Variants in SETBP1 observed in about 807,000 individuals in gnomAD.
The protein encoded by SETBP1 is SET binding protein 1, also known as SET-binding protein.
A neutral mutation model predicts 101.0 loss-of-function variants in SETBP1; 9 were observed. The observed-to-expected ratio is 0.09, with a 90% confidence interval of 0.05 to 0.16. SETBP1 has a LOEUF of 0.16. SETBP1 is among the 10% of genes least tolerant of loss of function. The pLI is 1.00. For synonymous variants in SETBP1, 818 were observed against 788.5 expected (o/e 1.04, Z -0.63); for missense variants, 1,858 against 2,033.8 (o/e 0.91, Z 1.66).
intron 4 of SETBP1, among the ~76,000 whole-genome samples, chr18:44,957,205 C>T (rs1391949564): frequency 6.6e-6 from 1 of 152,084 alleles, no homozygotes; most frequent in African/African-American, 2.4e-5. Context: ...GGTGACAATG[C>T]ATAGTCAGAA....
chr18:45,048,738 C>G (rs985174060), intron 5 of SETBP1, among the ~76,000 whole-genome samples: 3 of 150,310 alleles, frequency 2.0e-5, no homozygotes, highest in African/African-American at 7.4e-5. Context: ...TTTGGGAGGC[C>G]GAGGCGGGTG....
At chr18:44,792,326 G>A (rs1165368142) in intron 2 of SETBP1, among the ~76,000 whole-genome samples, 1 of 152,180 alleles carries the variant, frequency 6.6e-6, no homozygotes, top group Non-Finnish European at 1.5e-5. Flanking sequence ...CCATGTCTGT[G>A]TATGTTCCAG....
chr18:44,693,781 C>T (rs1461224777), intron 1 of SETBP1, among the ~76,000 whole-genome samples: 1 of 152,176 alleles, frequency 6.6e-6, no homozygotes, highest in Non-Finnish European at 1.5e-5. Flanking sequence ...ACACCATTTG[C>T]TTTCTTAATC....
intron 5 of SETBP1, among the ~76,000 whole-genome samples, chr18:45,062,262 A>G (rs565693491): frequency 2.0e-5 from 3 of 152,352 alleles, no homozygotes; most frequent in African/African-American, 7.2e-5. Context: ...CCAACAGGAC[A>G]TGAAAAGAGC....
In SETBP1 at chr18:45,066,163, A is replaced by G. The variant is rs1247519039; in HGVS notation, c.*2465A>G. On this transcript the variant is annotated 3_prime_UTR_variant, in exon 6 of 6. Coordinates refer to ENST00000649279, the MANE Select transcript of SETBP1 (RefSeq NM_015559.3). ...GACATTAACCTCTAGTAGGTGAGAAATTCCAAAAAAGCTTTGGGGTACATT... is the reference window on the plus strand; with the variant it reads ...GACATTAACCTCTAGTAGGTGAGAAGTTCCAAAAAAGCTTTGGGGTACATT... 6.6e-6 allele frequency: 1 copy of G among 152,190 alleles called. No individual in the cohort carries two copies. The highest frequency in any genetic ancestry group is 2.4e-5 in the African/African-American group (1 of 41,442). The allele number at this position is 152,190 out of a possible 1,614,324, so 9.4% of individuals were successfully genotyped here.
intron 3 of SETBP1, among the ~76,000 whole-genome samples, chr18:44,908,068 AT>A (rs67504239): frequency 0.31 from 46,008 of 148,344 alleles, 7,400 homozygotes; most frequent in Non-Finnish European, 0.36. Flanking sequence ...TTTATTTTTT[AT>A]TTTTTTTTTG....
chr18:44,961,730 T>A (rs2071615742), intron 4 of SETBP1, among the ~76,000 whole-genome samples: 1 of 152,178 alleles, frequency 6.6e-6, no homozygotes, highest in East Asian at 1.9e-4. Context: ...AGATTTCAGG[T>A]CAGCTCCCCC....
chr18:44,837,507 C>T (rs546209575), intron 2 of SETBP1, among the ~76,000 whole-genome samples: 4 of 152,196 alleles, frequency 2.6e-5, no homozygotes, highest in South Asian at 2.1e-4. Context: ...GTTCTAGTCC[C>T]GCAGAAACTA....
chr18:44,696,788 A>G (rs542554056), intron 1 of SETBP1, among the ~76,000 whole-genome samples: 3 of 152,358 alleles, frequency 2.0e-5, no homozygotes, highest in South Asian at 4.1e-4. Flanking sequence ...TAAAAGACTC[A>G]TAGTGGCTTG....
At chr18:44,725,719 C>T (rs2069690907) in intron 2 of SETBP1, among the ~76,000 whole-genome samples, 1 of 152,100 alleles carries the variant, frequency 6.6e-6, no homozygotes, top group African/African-American at 2.4e-5. Context: ...GACCTCCTCC[C>T]CCTCGGCCCC....
chr18:44,802,154 A>AT (rs35056117), intron 2 of SETBP1, among the ~76,000 whole-genome samples: 9 of 151,902 alleles, frequency 5.9e-5, no homozygotes, highest in African/African-American at 1.7e-4. Flanking sequence ...TGCTTCCATC[A>AT]TTTTTTTTGC....
At chr18:44,970,719 T>C (rs2071829296) in intron 4 of SETBP1, among the ~76,000 whole-genome samples, 1 of 151,948 alleles carries the variant, frequency 6.6e-6, no homozygotes, top group Non-Finnish European at 1.5e-5. Flanking sequence ...ACCCAGCTAA[T>C]TTTGTATTTT....
In SETBP1 at chr18:45,066,934, T is replaced by C. The variant is rs2073975001; in HGVS notation, c.*3236T>C. On this transcript the variant is annotated 3_prime_UTR_variant, in exon 6 of 6. Coordinates refer to ENST00000649279, the MANE Select transcript of SETBP1 (RefSeq NM_015559.3). Reference sequence around the variant, plus strand: ...CACTTGACTAAGTGTCTGGAAGAGCTACTTGCTCTTCCACCCCTCATCTCA... The same window carrying C: ...CACTTGACTAAGTGTCTGGAAGAGCCACTTGCTCTTCCACCCCTCATCTCA... 1 of 152,142 alleles carries C rather than the reference T, an allele frequency of 6.6e-6. No homozygotes were observed. Among genetic ancestry groups the C allele is most frequent in the African/African-American group, 2.4e-5 (1 of 41,424 alleles). The allele number at this position is 152,142 out of a possible 1,614,324, so 9.4% of individuals were successfully genotyped here.
chr18:44,720,872 G>A (rs767335259), intron 2 of SETBP1, among the ~76,000 whole-genome samples: 9 of 151,832 alleles, frequency 5.9e-5, no homozygotes, highest in South Asian at 2.1e-4. Flanking sequence ...TTTTTCCTAC[G>A]TGCACTAAGA....
chr18:44,787,715 G>A (rs1417805892), intron 2 of SETBP1, among the ~76,000 whole-genome samples: 7 of 146,170 alleles, frequency 4.8e-5, no homozygotes, highest in East Asian at 2.0e-4. Context: ...TTAGCCGGGC[G>A]CGGTGGCGGG....
chr18:44,904,698 G>A (rs2070131923), intron 3 of SETBP1, among the ~76,000 whole-genome samples: 1 of 152,078 alleles, frequency 6.6e-6, no homozygotes, highest in African/African-American at 2.4e-5. Flanking sequence ...GATGGTTCAG[G>A]GCCTGATGTT....
At chr18:44,999,432 A>G (rs1242212336) in intron 4 of SETBP1, among the ~76,000 whole-genome samples, 1 of 152,206 alleles carries the variant, frequency 6.6e-6, no homozygotes, top group African/African-American at 2.4e-5. Context: ...AACATTTTAT[A>G]TATTATGCAG....
chr18:44,749,138 C>A (rs2070327230), intron 2 of SETBP1, among the ~76,000 whole-genome samples: 1 of 152,186 alleles, frequency 6.6e-6, no homozygotes, highest in African/African-American at 2.4e-5. Flanking sequence ...TCACTCAAAG[C>A]AACACTCTCC....
chr18:44,783,015 A>G (rs1218460065), intron 2 of SETBP1, among the ~76,000 whole-genome samples: 1 of 152,194 alleles, frequency 6.6e-6, no homozygotes, highest in African/African-American at 2.4e-5. Context: ...CACTGAACTG[A>G]AGTCTGAATA....
Sources: gnomAD v4.1 joint callset for allele counts (sites outside exome capture counted in the v4.1 genomes callset) on GRCh38, gnomAD v4.1.1 for gene constraint, MANE v1.5 for transcripts, NCBI Gene and HGNC (gene_info 2026-07-23, HGNC 2026-07-21) for gene names.